The following GALNT9 variants were observed in gnomAD, a reference collection of about 807,000 sequenced individuals.
GALNT9 encodes the protein GalNAc transferase 9.
GALNT9 carries 47 observed loss-of-function variants against 63.1 expected under a neutral mutation model. The observed-to-expected ratio is 0.75, with a 90% CI of 0.59 to 0.95. The LOEUF (loss-of-function observed/expected upper bound fraction) is 0.95. GALNT9 is among the 40% of genes least tolerant of loss of function. GALNT9 has a pLI of 0.00. For synonymous variants in GALNT9, 396 were observed against 365.7 expected, an observed-to-expected ratio of 1.08 and a Z score of -0.94; for missense variants, 829 against 874.8, an observed-to-expected ratio of 0.95 and a Z score of 0.66.
At chr12:132,309,117 G>A (rs1242675434) in intron 1 of GALNT9, among the ~76,000 whole-genome samples, 1 of 152,252 alleles carries the variant, frequency 6.6e-6, no homozygotes, top group African/African-American at 2.4e-5. Flanking sequence ...GGCTGCAGGC[G>A]TGTCTGTCCC....
At chr12:132,311,479 G>A (rs1165933708) in intron 1 of GALNT9, among the ~76,000 whole-genome samples, 2 of 152,238 alleles carry the variant, frequency 1.3e-5, no homozygotes, top group Non-Finnish European at 2.9e-5. Flanking sequence ...CCAGAGGGGA[G>A]TGCCTCCAGC....
At chr12:132,208,887 T>C (rs1876834604) in intron 6 of GALNT9, among the ~76,000 whole-genome samples, 1 of 152,342 alleles carries the variant, frequency 6.6e-6, no homozygotes, top group South Asian at 2.1e-4. Context: ...CAGCACATAG[T>C]ACCAGTTAAT....
chr12:132,211,480 G>A (rs1354566602), intron 6 of GALNT9, among the ~76,000 whole-genome samples: 2 of 152,166 alleles, frequency 1.3e-5, no homozygotes, highest in African/African-American at 4.8e-5. Flanking sequence ...CAGCAGTGAG[G>A]AGGCAACCTC....
intron 6 of GALNT9, among the ~76,000 whole-genome samples, chr12:132,214,032 T>TGGGGATGG (rs1228135413): frequency 2.0e-5 from 3 of 151,778 alleles, no homozygotes; most frequent in Admixed American, 6.6e-5. Context: ...AGGTCAGGCG[T>TGGGGATGG]GGGGATGGGG....
intron 1 of GALNT9, among the ~76,000 whole-genome samples, chr12:132,295,597 GAATGATGTGGCCCCC>G (rs1881027075): frequency 6.6e-6 from 1 of 152,236 alleles, no homozygotes; most frequent in Non-Finnish European, 1.5e-5. Flanking sequence ...GCAGAGACCG[GAATGATGTGGCCCCC>G]AGCCAGGGAT....
intron 1 of GALNT9, among the ~76,000 whole-genome samples, chr12:132,328,315 C>T (rs2135596136): frequency 6.6e-6 from 1 of 151,814 alleles, no homozygotes; most frequent in African/African-American, 2.4e-5. Flanking sequence ...ACAACTTGGG[C>T]CCCCCTGGGT....
chr12:132,268,819 G>T (rs1005005348), intron 2 of GALNT9, among the ~76,000 whole-genome samples: 5 of 152,300 alleles, frequency 3.3e-5, no homozygotes, highest in African/African-American at 1.2e-4. Flanking sequence ...GCCACTCGGA[G>T]CCACACGGGG....
chr12:132,206,383 C>T (rs537416431), intron 6 of GALNT9, among the ~76,000 whole-genome samples: 2 of 152,320 alleles, frequency 1.3e-5, no homozygotes, highest in African/African-American at 4.8e-5. Flanking sequence ...ACAGGGGCCT[C>T]ACACTTGTAA....
chr12:132,322,480 G>A (rs1038884417), intron 1 of GALNT9, among the ~76,000 whole-genome samples: 5 of 152,222 alleles, frequency 3.3e-5, no homozygotes, highest in East Asian at 3.8e-4. Context: ...ATGCCAGTTC[G>A]AGCACAGCAA....
In GALNT9 at chr12:132,323,798, T is replaced by G. The variant is rs1255568761; in HGVS notation, c.238+5168A>C. On this transcript the variant is annotated intron_variant, in intron 1 of 10. Coordinates refer to ENST00000328957, the MANE Select transcript of GALNT9 (RefSeq NM_001122636.2). ...AGTAAATCCACAATCATGGGGAAGCTGTGAACCTCGGCCGGGGCGGGGGCC... is the reference window on the plus strand; with the variant it reads ...AGTAAATCCACAATCATGGGGAAGCGGTGAACCTCGGCCGGGGCGGGGGCC... 2.6e-5 allele frequency among the ~76,000 whole-genome samples: 4 copies of G among 152,304 alleles called. No homozygotes were observed. In the East Asian group the frequency reaches 7.7e-4, roughly 29 times the overall value.
intron 7 of GALNT9, among the ~76,000 whole-genome samples, chr12:132,201,771 T>C (rs1876146037): frequency 6.6e-6 from 1 of 152,206 alleles, no homozygotes; most frequent in Non-Finnish European, 1.5e-5. Context: ...GGGGGACACC[T>C]GAGAGCTTGT....
intron 2 of GALNT9, among the ~76,000 whole-genome samples, chr12:132,267,136 A>G (rs1192268534): frequency 6.6e-5 from 10 of 152,164 alleles, no homozygotes; most frequent in African/African-American, 1.9e-4. Context: ...TTGTCTCACA[A>G]AAAAGAAGAC....
chr12:132,220,564 T>C (rs1439595664), intron 6 of GALNT9, among the ~76,000 whole-genome samples: 1 of 152,178 alleles, frequency 6.6e-6, no homozygotes, highest in Non-Finnish European at 1.5e-5. Flanking sequence ...GTGGCTCGAA[T>C]TGCTGTCTGG....
chr12:132,247,007 T>C (rs1051030264), intron 6 of GALNT9, among the ~76,000 whole-genome samples: 2 of 152,366 alleles, frequency 1.3e-5, no homozygotes, highest in Non-Finnish European at 2.9e-5. Context: ...TTTTTAAAAC[T>C]AGCCTTAACT....
At chr12:132,237,278 C>A (rs2136895305) in intron 6 of GALNT9, among the ~76,000 whole-genome samples, 4,357 of 152,198 alleles carry the variant, frequency 0.029, 99 homozygotes, top group Non-Finnish European at 0.047. Context: ...TCATACCTGT[C>A]CACACCTGCT....
At chr12:132,307,898 C>T (rs117143738) in intron 1 of GALNT9, among the ~76,000 whole-genome samples, 1,874 of 151,266 alleles carry the variant, frequency 0.012, 13 homozygotes, top group Non-Finnish European at 0.016. Context: ...GGGCTGGGCG[C>T]AGTGGCTCAC....
In GALNT9 at chr12:132,316,144, C is replaced by A. The variant is rs571162291; in HGVS notation, c.238+12822G>T. Among the ~76,000 whole-genome samples, 1 of 152,114 alleles carries A rather than the reference C, an allele frequency of 6.6e-6. No homozygotes were observed. Among genetic ancestry groups the A allele is most frequent in the Non-Finnish European group, 1.5e-5 (1 of 67,992 alleles). On this transcript the variant is annotated intron_variant, in intron 1 of 10. Coordinates refer to ENST00000328957, the MANE Select transcript of GALNT9 (RefSeq NM_001122636.2). This position sits in a 1 kb window ranked among gnomAD's most constrained non-coding sequence, Gnocchi z 4.3. ...GGCAGGCAGAGGCAGGAGCTGGCCGCGGGCTGGGAGGCGACCCCACAGACC... is the reference window on the plus strand; with the variant it reads ...GGCAGGCAGAGGCAGGAGCTGGCCGAGGGCTGGGAGGCGACCCCACAGACC...
intron 2 of GALNT9, among the ~76,000 whole-genome samples, chr12:132,277,076 G>A (rs1408714117): frequency 6.6e-6 from 1 of 152,138 alleles, no homozygotes; most frequent in African/African-American, 2.4e-5. Context: ...GTGTGTTTCC[G>A]ATGACCAGCC....
intron 2 of GALNT9, among the ~76,000 whole-genome samples, chr12:132,285,954 A>G (rs2135561802): frequency 6.6e-6 from 1 of 152,288 alleles, no homozygotes; most frequent in African/African-American, 2.4e-5. Context: ...GGAGGGCCCC[A>G]CAGGTGGGGG....
Sources: gnomAD v4.1 joint callset for allele counts (sites outside exome capture counted in the v4.1 genomes callset) on GRCh38, gnomAD v4.1.1 for gene constraint, Gnocchi (gnomAD v3.1) non-coding constraint, MANE v1.5 for transcripts, NCBI Gene and HGNC (gene_info 2026-07-23, HGNC 2026-07-21) for gene names.